WBP2NL: variants seen among roughly 807,000 people sequenced by gnomAD.
WBP2NL encodes the protein WBP2 N-terminal like.
A neutral mutation model predicts 23.3 loss-of-function variants in WBP2NL; 27 were observed. The observed-to-expected ratio is 1.16, with a 90% CI of 0.85 to 1.60. The LOEUF is 1.60. Ranked by LOEUF, WBP2NL falls within the 40% of genes most tolerant of loss-of-function variation. WBP2NL has a pLI of 0.00. For missense variants in WBP2NL, 370 were observed against 389.5 expected, an observed-to-expected ratio of 0.95 and a Z score of 0.42; for synonymous variants, 151 against 145.9, an observed-to-expected ratio of 1.03 and a Z score of -0.25.
intron 8 of WBP2NL, among the ~76,000 whole-genome samples, chr22:42,047,287 AAAAG>A (rs911067601): frequency 1.3e-5 from 2 of 151,156 alleles, no homozygotes; most frequent in South Asian, 2.1e-4. Flanking sequence ...AAAAAAAAAA[AAAAG>A]AAAATCGGAG....
At chr22:42,055,519 C>T (rs933864439) in intron 8 of WBP2NL, among the ~76,000 whole-genome samples, 9 of 152,164 alleles carry the variant, frequency 5.9e-5, no homozygotes, top group Non-Finnish European at 1.0e-4. Context: ...TATGGCCTAA[C>T]ATATGGTCTG....
chr22:42,039,862 G>A (rs1048644598), intron 8 of WBP2NL, among the ~76,000 whole-genome samples: 6 of 148,128 alleles, frequency 4.1e-5, no homozygotes, highest in African/African-American at 1.5e-4. Flanking sequence ...CTAACTTTGG[G>A]TCGAGTTTGT....
downstream of WBP2NL, chr22:42,031,146 C>A (rs1175746115): frequency 6.6e-6 from 1 of 152,176 alleles, no homozygotes; most frequent in African/African-American, 2.4e-5. Context: ...CCAAGTGGAG[C>A]CACAGTTTGG....
At chr22:42,040,978 C>T (rs920151135) in intron 8 of WBP2NL, among the ~76,000 whole-genome samples, 2 of 152,132 alleles carry the variant, frequency 1.3e-5, no homozygotes, top group Non-Finnish European at 2.9e-5. Context: ...CCTGAATGTG[C>T]TATCCATTAT....
intron 1 of WBP2NL, chr22:42,001,509 A>G (rs563141209): frequency 2.4e-5 from 24 of 990,776 alleles, no homozygotes; most frequent in African/African-American, 3.2e-5. Context: ...AAACCTCGCA[A>G]TTCCCTTTCA....
chr22:42,038,567 G>A (rs1337065200), intron 8 of WBP2NL, among the ~76,000 whole-genome samples: 1 of 152,052 alleles, frequency 6.6e-6, no homozygotes, highest in Non-Finnish European at 1.5e-5. Context: ...GGTAGAATTA[G>A]CATATGAAAC....
chr22:42,006,302 G>T (rs969729225), intron 1 of WBP2NL, among the ~76,000 whole-genome samples: 1 of 150,838 alleles, frequency 6.6e-6, no homozygotes, highest in Non-Finnish European at 1.5e-5. Context: ...CTCACTGCAA[G>T]CTCTGCCTCC....
At chr22:42,057,000 G>A (rs1051791755) in intron 8 of WBP2NL, among the ~76,000 whole-genome samples, 1 of 152,070 alleles carries the variant, frequency 6.6e-6, no homozygotes, top group Non-Finnish European at 1.5e-5. Flanking sequence ...TGTCTTTTGA[G>A]GGTTTGATTA....
At position 42,043,651 on chromosome 22, in the gene WBP2NL, TGAG is replaced by T. The variant is rs769492454; in HGVS notation, c.*273+12832_*273+12834del. 5.0e-4 allele frequency among the ~76,000 whole-genome samples: 76 copies of T among 152,124 alleles called. 1 individual carries two copies. Among genetic ancestry groups the T allele is most frequent in the Non-Finnish European group, 1.3e-4 (9 of 68,028 alleles). On this transcript the variant is annotated intron_variant and NMD_transcript_variant, in intron 8 of 8. Transcript: ENST00000436265. ...GATCAGCTGCATGCATGTGCACAAC[TGAG>T]GAGAAGCAAATTGCTTTTAAAGTCC...
chr22:42,010,102 A>G (rs1443393344), intron 1 of WBP2NL, among the ~76,000 whole-genome samples: 3 of 152,030 alleles, frequency 2.0e-5, no homozygotes, highest in Non-Finnish European at 2.9e-5. Context: ...TCCTTTTTGG[A>G]TCATTCATAA....
At chr22:42,039,355 CTT>C (rs57767168) in intron 8 of WBP2NL, among the ~76,000 whole-genome samples, 3 of 141,170 alleles carry the variant, frequency 2.1e-5, no homozygotes, top group African/African-American at 5.2e-5. Flanking sequence ...GGATTACAGG[CTT>C]TTTTTTTTTT....
intron 1 of WBP2NL, among the ~76,000 whole-genome samples, chr22:42,018,467 GAGAA>G (rs1024771235): frequency 6.6e-6 from 1 of 150,842 alleles, no homozygotes; most frequent in Non-Finnish European, 1.5e-5. Context: ...GAGGGAGAAA[GAGAA>G]AGAAGAAATA....
chr22:42,001,284 A>G, intron 1 of WBP2NL: 2 of 689,870 alleles, frequency 2.9e-6, no homozygotes, highest in Non-Finnish European at 5.4e-6. Context: ...AATGAATAGG[A>G]AGTCAACCCA....
At chr22:42,013,503 A>G (rs181325354) in intron 1 of WBP2NL, among the ~76,000 whole-genome samples, 273 of 152,290 alleles carry the variant, frequency 1.8e-3, no homozygotes, top group African/African-American at 6.4e-3. Context: ...TTTGGCTTTC[A>G]ATAATTTGAT....
intron 8 of WBP2NL, among the ~76,000 whole-genome samples, chr22:42,042,794 C>A (rs971220071): frequency 3.9e-5 from 6 of 152,094 alleles, no homozygotes; most frequent in Non-Finnish European, 8.8e-5. Flanking sequence ...TATGGTGGCC[C>A]ATGCCTGCAA....
intron 8 of WBP2NL, among the ~76,000 whole-genome samples, chr22:42,042,213 G>A (rs1925423423): frequency 6.6e-6 from 1 of 152,100 alleles, no homozygotes; most frequent in African/African-American, 2.4e-5. Context: ...CCAAAGATTT[G>A]GGAATCTTTT....
chr22:42,055,937 T>C (rs142968828), intron 8 of WBP2NL, among the ~76,000 whole-genome samples: 1 of 152,212 alleles, frequency 6.6e-6, no homozygotes, highest in Non-Finnish European at 1.5e-5. Context: ...CTAAAGTGTC[T>C]CTTAAACAAA....
At chr22:42,004,012 C>G (rs1485871100) in intron 1 of WBP2NL, among the ~76,000 whole-genome samples, 1 of 152,238 alleles carries the variant, frequency 6.6e-6, no homozygotes. Flanking sequence ...TGGCTCACGC[C>G]TGCAGTCCCA....
At chr22:42,002,422 A>T (rs2146751810) in intron 1 of WBP2NL, among the ~76,000 whole-genome samples, 1 of 152,172 alleles carries the variant, frequency 6.6e-6, no homozygotes, top group Admixed American at 6.5e-5. Context: ...TGTCCCTACT[A>T]AAAATACAAA....
Sources: gnomAD v4.1 joint callset for allele counts (sites outside exome capture counted in the v4.1 genomes callset) on GRCh38, gnomAD v4.1.1 for gene constraint, MANE v1.5 for transcripts, NCBI Gene and HGNC (gene_info 2026-07-23, HGNC 2026-07-21) for gene names.